Variants in INTS8 observed in about 807,000 individuals in gnomAD.
The protein encoded by INTS8 is integrator complex subunit 8.
Under a neutral mutation model 138.9 loss-of-function variants are expected in INTS8, and 47 were observed. The observed-to-expected ratio is 0.34, with a 90% CI of 0.27 to 0.43. The LOEUF is 0.43. Ranked by LOEUF, INTS8 falls within the 20% of genes least tolerant of loss-of-function variation. The probability of loss-of-function intolerance (pLI) is 1.00; values close to 1 mark genes in which losing one functional copy is unlikely to be tolerated. For synonymous variants in INTS8, 392 were observed against 400.9 expected (o/e 0.98, Z 0.27); for missense variants, 996 against 1,173.0 (o/e 0.85, Z 2.20).
At chr8:94,826,827 C>T (rs1039642401) in intron 2 of INTS8, among the ~76,000 whole-genome samples, 3 of 152,068 alleles carry the variant, frequency 2.0e-5, no homozygotes, top group African/African-American at 7.2e-5. Flanking sequence ...GCATTTAAGC[C>T]GGGCACGGTG....
At chr8:94,873,237 G>T (rs1339983867) in intron 21 of INTS8, 137 bp from the exon 22 acceptor site, 2 of 742,184 alleles carry the variant, frequency 2.7e-6, no homozygotes, top group Non-Finnish European at 4.9e-6. Flanking sequence ...CAAGAAATAC[G>T]AACTAACATT....
chr8:94,837,696 C>G (rs1020785976), intron 7 of INTS8, among the ~76,000 whole-genome samples: 2 of 151,982 alleles, frequency 1.3e-5, no homozygotes, highest in African/African-American at 4.8e-5. Context: ...AATTTTAACA[C>G]TGTTTGCTCT....
At chr8:94,841,730 G>C in intron 9 of INTS8, 139 bp downstream of exon 9, 1 of 559,440 alleles carries the variant, frequency 1.8e-6, no homozygotes, top group South Asian at 2.3e-5. Context: ...AATTAACATA[G>C]GGTGGAGGAA....
chr8:94,841,677 C>T (rs1815138595), intron 9 of INTS8, 86 bp downstream of exon 9: 1 of 725,662 alleles, frequency 1.4e-6, no homozygotes, highest in Non-Finnish European at 2.4e-6. Context: ...TTCAAATTTC[C>T]TATGGCTCTG....
Position 94,841,833 on chromosome 8 carries a change from C to A in INTS8, c.1118+242C>A, listed in dbSNP as rs919827364. Among the ~76,000 whole-genome samples, 7 of 152,092 alleles carry A rather than the reference C, an allele frequency of 4.6e-5. No individual in the cohort carries two copies. In the East Asian group the frequency reaches 1.2e-3, roughly 25 times the overall value. ...CTATAATCCCAGCACTTTGAGAGGC[C>A]GAGGTGGGTGGATCACTTGAGGTCA... On this transcript the variant is annotated intron_variant, in intron 9 of 26. Transcript: ENST00000523731.
In INTS8 at chr8:94,865,648, G is replaced by C. The variant is rs751889790; in HGVS notation, c.2219G>C (p.Ser740Thr). Residue 740 changes from serine (S) to threonine (T), a missense_variant, in exon 17 of 27, where the codon AGT (serine) becomes ACT (threonine). Physicochemically the swap from Ser to Thr is moderately conservative, Grantham distance 58. Coordinates refer to ENST00000523731, the MANE Select transcript of INTS8 (RefSeq NM_017864.4). ...AAACGAGGAAATGATGGCAGAGTTA[G>C]TTTAATAAAACAGAGGGAATCTACG... ...QHKRGNDGRV[S>T]LIKQRESTLG... is the part of the protein sequence containing the mutation. 7.4e-6 allele frequency: 12 copies of C among 1,613,986 alleles called. No homozygotes were observed. In the South Asian group the frequency reaches 9.9e-5, roughly 13 times the overall value.
chr8:94,838,826 C>T (rs577858476), intron 8 of INTS8, among the ~76,000 whole-genome samples: 1 of 152,232 alleles, frequency 6.6e-6, no homozygotes, highest in African/African-American at 2.4e-5. Context: ...AATTCTAAGG[C>T]AAAGCATTAT....
In INTS8 at chr8:94,823,384, A is replaced by G; in HGVS notation, c.-48A>G. ...AGGCACCGGCCCGCATCCAAGTGTC[A>G]GGTTGGAGCCGGGAAGCGGCCCTGG... On this transcript the variant is annotated 5_prime_UTR_variant, in exon 1 of 27. Transcript: ENST00000523731. 4.0e-6 allele frequency: 6 copies of G among 1,505,258 alleles called. No homozygotes were observed. Among genetic ancestry groups the G allele is most frequent in the Non-Finnish European group, 5.3e-6 (6 of 1,129,940 alleles). 93.2% of individuals were successfully genotyped at this position (1,505,258 alleles called of 1,614,324 possible). A position where few individuals can be genotyped will look rare whatever the true frequency, so the allele number is the denominator to read the frequency against.
chr8:94,878,060 A>AT (rs1816626737), intron 26 of INTS8, among the ~76,000 whole-genome samples: 1 of 152,126 alleles, frequency 6.6e-6, no homozygotes, highest in Non-Finnish European at 1.5e-5. Context: ...CTTGATCAAT[A>AT]TTTTTAGCGT....
In INTS8 at chr8:94,876,286, G is replaced by A. The variant is rs745675132; in HGVS notation, c.2827+1G>A. On this transcript the variant is annotated splice_donor_variant, in intron 25 of 26. Transcript: ENST00000523731. LOFTEE classifies it high-confidence loss of function. Reference sequence around the variant, plus strand: ...GTTACCATTTTGGAATACTTGACTTGTATCCTTTCATCCATGTGTGTGATG... The same window carrying A: ...GTTACCATTTTGGAATACTTGACTTATATCCTTTCATCCATGTGTGTGATG... The A allele has an allele frequency of 7.5e-6, 12 of 1,603,300 alleles. No individual in the cohort carries two copies. Among genetic ancestry groups the A allele is most frequent in the Middle Eastern group, 1.7e-4 (1 of 6,040 alleles).
At chr8:94,856,100 T>C (rs1336834721) in intron 14 of INTS8, among the ~76,000 whole-genome samples, 3 of 152,022 alleles carry the variant, frequency 2.0e-5, no homozygotes, top group African/African-American at 7.2e-5. Flanking sequence ...AAATGTAGAA[T>C]AGCTAGGGGA....
At chr8:94,872,480 C>T (rs1336089623) in intron 21 of INTS8, among the ~76,000 whole-genome samples, 1 of 152,170 alleles carries the variant, frequency 6.6e-6, no homozygotes, top group African/African-American at 2.4e-5. Context: ...GTGATCTGCC[C>T]GCCTCGGCCT....
chr8:94,827,599 C>A, intron 3 of INTS8, 123 bp from the exon 4 acceptor site: 2 of 1,032,156 alleles, frequency 1.9e-6, no homozygotes, highest in Non-Finnish European at 2.9e-6. Flanking sequence ...ATGACTTATG[C>A]AGGATTTACC....
chr8:94,880,907 C>G lies in INTS8; in HGVS notation c.*673C>G, dbSNP rs771074469. 36 of 398,582 alleles carry G rather than the reference C, an allele frequency of 9.0e-5. No individual in the cohort carries two copies. Among genetic ancestry groups the G allele is most frequent in the Non-Finnish European group, 1.5e-4 (33 of 225,934 alleles). 24.7% of individuals were successfully genotyped at this position (398,582 alleles called of 1,614,324 possible). A position where few individuals can be genotyped will look rare whatever the true frequency, so the allele number is the denominator to read the frequency against. On this transcript the variant is annotated 3_prime_UTR_variant, in exon 27 of 27. Coordinates refer to ENST00000523731, the MANE Select transcript of INTS8 (RefSeq NM_017864.4). Reference sequence around the variant, plus strand: ...AAGCAACCTACATGTCAAGAAAGCCCCAGTTAGGAAGGAGCCACAGCATTT... The same window carrying G: ...AAGCAACCTACATGTCAAGAAAGCCGCAGTTAGGAAGGAGCCACAGCATTT...
At chr8:94,832,844 C>T (rs1032481587) in intron 6 of INTS8, among the ~76,000 whole-genome samples, 15 of 151,924 alleles carry the variant, frequency 9.9e-5, no homozygotes, top group African/African-American at 1.7e-4. Flanking sequence ...TTAGTAGAGA[C>T]GGGGTTTCAC....
rs187540218 is a variant in INTS8, at chr8:94,829,396, C to T, written c.570+370C>T. On this transcript the variant is annotated intron_variant, in intron 5 of 26. Coordinates refer to ENST00000523731, the MANE Select transcript of INTS8 (RefSeq NM_017864.4). ...CAAGGAGGACACAACATGGATCCCT[C>T]GCGTGTGTAGTTCACGATAGGGTTT... Among the ~76,000 whole-genome samples, 48 of 152,032 alleles carry T rather than the reference C, an allele frequency of 3.2e-4. 1 individual carries two copies. Among genetic ancestry groups the T allele is most frequent in the Admixed American group, 9.2e-4 (14 of 15,220 alleles).
At chr8:94,849,325 A>C (rs1034068205) in intron 10 of INTS8, 137 bp from the exon 11 acceptor site, 31 of 616,232 alleles carry the variant, frequency 5.0e-5, no homozygotes, top group Admixed American at 3.2e-5. Flanking sequence ...CTCTTCTGTT[A>C]AGTTACTTAA....
At chr8:94,876,962 T>A (rs1816585444) in intron 26 of INTS8, among the ~76,000 whole-genome samples, 1 of 152,220 alleles carries the variant, frequency 6.6e-6, no homozygotes, top group Admixed American at 6.5e-5. Flanking sequence ...GATCATCTTA[T>A]AAAGTAACAA....
At chr8:94,824,432 CTTTAA>C (rs1236070598) in intron 1 of INTS8, among the ~76,000 whole-genome samples, 1 of 152,144 alleles carries the variant, frequency 6.6e-6, no homozygotes, top group Non-Finnish European at 1.5e-5. Context: ...CCGTTACCTC[CTTTAA>C]TTTAATCTTC....
Sources: gnomAD v4.1 joint callset for allele counts (sites outside exome capture counted in the v4.1 genomes callset) on GRCh38, gnomAD v4.1.1 for gene constraint, MANE v1.5 for transcripts, NCBI Gene and HGNC (gene_info 2026-07-23, HGNC 2026-07-21) for gene names.